Variants in BLTP1 observed in about 807,000 individuals in gnomAD.
The protein encoded by BLTP1 is bridge-like lipid transfer protein family member 1.
chr4:122,306,074 C>T, the BLTP1 span: 1 of 1,560,232 alleles, frequency 6.4e-7, no homozygotes, highest in East Asian at 2.4e-5. Flanking sequence ...CTACTATCCT[C>T]TGGGATCTAG....
At chr4:122,192,277 G>A in the BLTP1 span, 1 of 1,613,432 alleles carries the variant, frequency 6.2e-7, no homozygotes, top group Non-Finnish European at 8.5e-7. Flanking sequence ...GAAATGAGCA[G>A]TGAGGATTGC....
the BLTP1 span, among the ~76,000 whole-genome samples, chr4:122,192,730 A>G: frequency 6.6e-6 from 1 of 152,086 alleles, no homozygotes; most frequent in Non-Finnish European, 1.5e-5. Flanking sequence ...GGACTATGGG[A>G]ATTCAGAAAT....
chr4:122,244,100 ATATGT>A, the BLTP1 span: 3 of 1,408,808 alleles, frequency 2.1e-6, no homozygotes, highest in Non-Finnish European at 1.9e-6. Context: ...AGTATATGTG[ATATGT>A]TCGTGTAGAA....
chr4:122,245,999 C>G, the BLTP1 span: 6 of 463,118 alleles, frequency 1.3e-5, no homozygotes, highest in Non-Finnish European at 1.7e-5. Context: ...CCTAGCTTAT[C>G]GAAAGTTTGG....
the BLTP1 span, chr4:122,155,087 A>G: frequency 1.4e-5 from 3 of 214,622 alleles, no homozygotes; most frequent in Non-Finnish European, 1.6e-5. Context: ...TAATAGAGCA[A>G]TGGTCTTCAT....
At chr4:122,211,456 A>G in the BLTP1 span, among the ~76,000 whole-genome samples, 1 of 152,322 alleles carries the variant, frequency 6.6e-6, no homozygotes, top group Non-Finnish European at 1.5e-5. Context: ...GAAGTACTAC[A>G]TATATCTGAG....
At chr4:122,249,023 C>A in the BLTP1 span, 1 of 965,390 alleles carries the variant, frequency 1.0e-6, no homozygotes, top group Non-Finnish European at 1.2e-6. Flanking sequence ...AGCAGTGGAA[C>A]CATGACAAGG....
chr4:122,359,077 T>TAAA, the BLTP1 span, among the ~76,000 whole-genome samples: 8 of 140,702 alleles, frequency 5.7e-5, no homozygotes, highest in South Asian at 2.2e-4. Flanking sequence ...TCAAAGCTGT[T>TAAA]AAAAAAAAAA....
chr4:122,239,799 T>C, the BLTP1 span: 2 of 1,614,182 alleles, frequency 1.2e-6, no homozygotes, highest in Non-Finnish European at 1.7e-6. Context: ...ATCAGCAGAC[T>C]CTAATTCATT....
chr4:122,235,772 T>A, the BLTP1 span: 4 of 151,608 alleles, frequency 2.6e-5, no homozygotes. Context: ...GCCACTGCAC[T>A]CCAGCCTGGG....
At chr4:122,190,214 A>G in the BLTP1 span, 1 of 1,172,394 alleles carries the variant, frequency 8.5e-7, no homozygotes, top group Non-Finnish European at 1.2e-6. Context: ...CTCCTACTTC[A>G]GCCTCCTGAG....
chr4:122,326,050 T>G, the BLTP1 span: 1 of 222,244 alleles, frequency 4.5e-6, no homozygotes, highest in Admixed American at 5.2e-5. Context: ...GGTTTAAGAC[T>G]GTTTGAATCT....
chr4:122,167,814 C>T, the BLTP1 span: 1 of 985,418 alleles, frequency 1.0e-6, no homozygotes, highest in Non-Finnish European at 1.2e-6. Context: ...ATGCTTTACT[C>T]TGCTTCACCT....
the BLTP1 span, chr4:122,234,298 T>C: frequency 3.7e-6 from 1 of 267,416 alleles, no homozygotes; most frequent in South Asian, 1.4e-4. Flanking sequence ...AAATAATTTC[T>C]TAGTTGCTTC....
chr4:122,298,485 C>G, the BLTP1 span: 1 of 193,662 alleles, frequency 5.2e-6, no homozygotes, highest in African/African-American at 2.4e-5. Flanking sequence ...ATAACTCATT[C>G]TGTATTTCAG....
chr4:122,267,048 G>C, the BLTP1 span: 1 of 231,612 alleles, frequency 4.3e-6, no homozygotes, highest in Non-Finnish European at 7.8e-6. Context: ...AAATAAGGAA[G>C]TAATTTTTTT....
the BLTP1 span, chr4:122,153,892 C>A: frequency 3.7e-6 from 2 of 540,350 alleles, no homozygotes; most frequent in Non-Finnish European, 4.7e-6. Flanking sequence ...AACAAGGAAA[C>A]GTAATATTGG....
chr4:122,249,342 C>T, the BLTP1 span: 2 of 1,310,718 alleles, frequency 1.5e-6, no homozygotes, highest in African/African-American at 2.9e-5. Flanking sequence ...AAAGTTAGCT[C>T]ATTTGCCTGT....
At chr4:122,331,848 ATTTCAG>A in the BLTP1 span, 1 of 845,770 alleles carries the variant, frequency 1.2e-6, no homozygotes, top group Admixed American at 6.2e-5. Context: ...TATTATACAT[ATTTCAG>A]TTTTAAAGAA....
Sources: gnomAD v4.1 joint callset for allele counts (sites outside exome capture counted in the v4.1 genomes callset) on GRCh38, gnomAD v4.1.1 for gene constraint, MANE v1.5 for transcripts, NCBI Gene and HGNC (gene_info 2026-07-23, HGNC 2026-07-21) for gene names.